NCS1: variants seen among roughly 807,000 people sequenced by gnomAD.
NCS1 encodes neuronal calcium sensor 1, also known as frequenin homolog.
NCS1 carries 6 observed loss-of-function variants against 28.4 expected under a neutral mutation model. The ratio of observed to expected loss-of-function variants is 0.21; its 90% CI spans 0.12 to 0.42. NCS1 has a LOEUF of 0.42. Among genes scored for constraint, NCS1 ranks in the 10% least tolerant of loss-of-function variants. The pLI is 1.00. For synonymous variants in NCS1, 86 were observed against 99.3 expected (o/e 0.87, Z 0.79); for missense variants, 131 against 241.4 (o/e 0.54, Z 3.03).
intron 3 of NCS1, among the ~76,000 whole-genome samples, chr9:130,218,829 G>A (rs1052896463): frequency 2.5e-4 from 38 of 152,116 alleles, no homozygotes; most frequent in African/African-American, 8.7e-4. Flanking sequence ...GACCTCAGAT[G>A]ATCCACCCAC....
At chr9:130,204,568 T>TGCGA (rs1833000477) in intron 2 of NCS1, among the ~76,000 whole-genome samples, 1 of 152,070 alleles carries the variant, frequency 6.6e-6, no homozygotes, top group Non-Finnish European at 1.5e-5. Context: ...AGACGGCAGG[T>TGCGA]GCGAGCCACT....
At chr9:130,222,977 G>T (rs1833354104) in intron 5 of NCS1, 105 bp from the exon 6 acceptor site, 2 of 902,688 alleles carry the variant, frequency 2.2e-6, no homozygotes, top group African/African-American at 1.7e-5. Flanking sequence ...AAGAAGAGGG[G>T]GGCGGCCCTC....
At position 130,180,584 on chromosome 9, in the gene NCS1, G is replaced by A. The variant is rs1444684571; in HGVS notation, c.64+7857G>A. The stretch of plus-strand genomic sequence containing the variant: ...GTCATATTCTGACCAAGGGCAGAAC[G>A]GCAGGTGCTGAGGACTTGAAGGTCA... On this transcript the variant is annotated intron_variant, in intron 1 of 7. Coordinates refer to ENST00000372398, the MANE Select transcript of NCS1 (RefSeq NM_014286.4). This position sits in a 1 kb window ranked among gnomAD's most constrained non-coding sequence, Gnocchi z 4.5. Among the ~76,000 whole-genome samples the A allele has an allele frequency of 2.6e-5, 4 of 152,252 alleles. No homozygotes were observed. The highest frequency in any genetic ancestry group is 1.9e-4 in the East Asian group (1 of 5,162).
chr9:130,224,587 T>C (rs1169615460), intron 6 of NCS1, among the ~76,000 whole-genome samples: 2 of 150,176 alleles, frequency 1.3e-5, no homozygotes, highest in East Asian at 2.0e-4. Flanking sequence ...AAAGGAACCA[T>C]AGACACTGGA....
chr9:130,176,157 TC>T (rs1564700677), intron 1 of NCS1, among the ~76,000 whole-genome samples: 2,462 of 82,152 alleles, frequency 0.03, 136 homozygotes, highest in East Asian at 0.084. Context: ...TTTCTTTCTT[TC>T]TTTCTTTCTT....
At chr9:130,176,206 T>TC in intron 1 of NCS1, among the ~76,000 whole-genome samples, 1 of 97,378 alleles carries the variant, frequency 1.0e-5, no homozygotes, top group African/African-American at 3.6e-5. Flanking sequence ...TTTTTTTTTT[T>TC]TTTGGAGACA....
intron 2 of NCS1, among the ~76,000 whole-genome samples, chr9:130,217,534 AG>A (rs1274207024): frequency 2.0e-5 from 3 of 152,208 alleles, no homozygotes; most frequent in Non-Finnish European, 4.4e-5. Context: ...GGTGGAGCAC[AG>A]GGCTGGGTGG....
At chr9:130,218,549 A>G (rs1456802936) in intron 3 of NCS1, among the ~76,000 whole-genome samples, 1 of 152,204 alleles carries the variant, frequency 6.6e-6, no homozygotes, top group African/African-American at 2.4e-5. Flanking sequence ...TAATAATAAT[A>G]ACCAATATTT....
chr9:130,221,055 G>A (rs192240831), intron 4 of NCS1, among the ~76,000 whole-genome samples: 64 of 151,960 alleles, frequency 4.2e-4, no homozygotes, highest in African/African-American at 1.4e-3. Flanking sequence ...ACAGAGTCTC[G>A]CTCTGTTGCT....
chr9:130,229,482 T>C (rs1833468737), intron 7 of NCS1, among the ~76,000 whole-genome samples: 1 of 152,052 alleles, frequency 6.6e-6, no homozygotes, highest in African/African-American at 2.4e-5. Context: ...CTCGAACTCC[T>C]GACCTTGTGA....
At chr9:130,221,407 TATATATAGAGAGAG>T (rs1333924947) in intron 4 of NCS1, among the ~76,000 whole-genome samples, 917 of 42,400 alleles carry the variant, frequency 0.022, 4 homozygotes, top group East Asian at 0.038. Context: ...TATATATATA[TATATATAGAGAGAG>T]AGAGAGAGAG....
chr9:130,202,949 C>G (rs560926451), intron 2 of NCS1, among the ~76,000 whole-genome samples: 213 of 151,920 alleles, frequency 1.4e-3, no homozygotes, highest in Admixed American at 2.6e-3. Flanking sequence ...GATGAGGAAA[C>G]TGAGGTTCAG....
At chr9:130,200,345 G>T in intron 1 of NCS1, 1 of 565,104 alleles carries the variant, frequency 1.8e-6, no homozygotes, top group East Asian at 2.9e-5. Flanking sequence ...ATGTGGGCTT[G>T]GCTCCAGGCT....
chr9:130,214,436 G>A (rs1442681479), intron 2 of NCS1, among the ~76,000 whole-genome samples: 3 of 152,236 alleles, frequency 2.0e-5, no homozygotes, highest in East Asian at 3.8e-4. Flanking sequence ...AGGAAGTGAG[G>A]CTTCACAGCC....
At chr9:130,174,853 G>A (rs1309870707) in intron 1 of NCS1, among the ~76,000 whole-genome samples, 1 of 150,048 alleles carries the variant, frequency 6.7e-6, no homozygotes, top group African/African-American at 2.5e-5. Context: ...AGCCCATGAT[G>A]GTGGATTCTA....
Position 130,209,189 on chromosome 9 carries a change from C to CT in NCS1, c.89+8210dup, listed in dbSNP as rs1471659257. On this transcript the variant is annotated intron_variant, in intron 2 of 7. Coordinates refer to ENST00000372398, the MANE Select transcript of NCS1 (RefSeq NM_014286.4). This position sits in a 1 kb window ranked among gnomAD's most constrained non-coding sequence, Gnocchi z 4.4. Reference sequence around the variant, plus strand: ...TGGCTGATTGCAGCTTGGGGTAATGCTTTATGATTTATCCGTCTAGCAATC... The same window carrying CT: ...TGGCTGATTGCAGCTTGGGGTAATGCTTTTATGATTTATCCGTCTAGCAATC... Among the ~76,000 whole-genome samples the CT allele has an allele frequency of 3.3e-5, 5 of 152,188 alleles. No individual in the cohort carries two copies. Among genetic ancestry groups the CT allele is most frequent in the Non-Finnish European group, 5.9e-5 (4 of 68,032 alleles).
Position 130,172,814 on chromosome 9 carries a change from C to G in NCS1, c.64+87C>G, listed in dbSNP as rs1476481409. 2.2e-4 allele frequency: 144 copies of G among 664,498 alleles called. 2 individuals are homozygous for G. Among genetic ancestry groups the G allele is most frequent in the Non-Finnish European group, 8.5e-6 (4 of 467,942 alleles). The allele number at this position is 664,498 out of a possible 1,614,324, so 41.2% of individuals were successfully genotyped here. On this transcript the variant is annotated intron_variant, in intron 1 of 7. Coordinates refer to ENST00000372398, the MANE Select transcript of NCS1 (RefSeq NM_014286.4). ...CCCGCCCCCCGGACCCGCGCGCTAC[C>G]CGCTCCGCGCTGCCGCCTCCGCTCC... is the stretch of plus-strand genomic sequence containing the variant.
At chr9:130,194,460 C>A (rs1268998390) in intron 1 of NCS1, among the ~76,000 whole-genome samples, 2 of 152,074 alleles carry the variant, frequency 1.3e-5, no homozygotes, top group African/African-American at 4.8e-5. Flanking sequence ...GCTGCCCTCC[C>A]CTTCTGCAGC....
rs1334870056 is a variant in NCS1, at chr9:130,215,570, G to A, written c.90-2262G>A. On this transcript the variant is annotated intron_variant, in intron 2 of 7. Transcript: ENST00000372398. The surrounding 1 kb of genome is among the most constrained non-coding windows in gnomAD (Gnocchi z 4.2). The stretch of plus-strand genomic sequence containing the variant: ...GCAGAGGACAGGAGAGGCAGGGCGG[G>A]CTCCGAGTCTCACGCATTGCTGTGG... Among the ~76,000 whole-genome samples the A allele has an allele frequency of 1.3e-5, 2 of 152,302 alleles. No individual in the cohort carries two copies. Among genetic ancestry groups the A allele is most frequent in the Admixed American group, 6.5e-5 (1 of 15,294 alleles).
Sources: allele counts gnomAD v4.1 joint callset (sites outside exome capture counted in the v4.1 genomes callset), GRCh38; gene constraint gnomAD v4.1.1; non-coding constraint Gnocchi (gnomAD v3.1); transcripts MANE v1.5; gene names NCBI Gene and HGNC (gene_info 2026-07-23, HGNC 2026-07-21).